The following ALG10B variants were observed in gnomAD, a reference collection of about 807,000 sequenced individuals.
The protein encoded by ALG10B is dol-P-Glc:Glc(2)Man(9)GlcNAc(2)-PP-Dol alpha-1,2-glucosyltransferase B.
ALG10B carries 27 observed loss-of-function variants against 38.7 expected under a neutral mutation model. The ratio of observed to expected loss-of-function variants is 0.70; its 90% CI spans 0.51 to 0.96. The LOEUF (loss-of-function observed/expected upper bound fraction) is 0.96, where lower values mean the gene tolerates loss of function less well. ALG10B is among the 40% of genes least tolerant of loss of function. The pLI, the probability that ALG10B is intolerant of heterozygous loss-of-function variation, is 0.00. For synonymous variants in ALG10B, 177 were observed against 193.3 expected (o/e 0.92, Z 0.70); for missense variants, 522 against 542.7 (o/e 0.96, Z 0.38).
At position 38,326,719 on chromosome 12, in the gene ALG10B, T is replaced by C. The variant is rs1040599556; in HGVS notation, c.*5506T>C. The stretch of plus-strand genomic sequence containing the variant: ...TTATTTTTTATATAGGGCATTTTTA[T>C]GTATTTAATGTTGACAACTGACGTT... On this transcript the variant is annotated 3_prime_UTR_variant, in exon 3 of 3. Coordinates refer to ENST00000308742, the MANE Select transcript of ALG10B (RefSeq NM_001013620.4). The C allele has an allele frequency of 2.0e-5, 3 of 151,928 alleles. No individual in the cohort carries two copies. The highest frequency in any genetic ancestry group is 7.2e-5 in the African/African-American group (3 of 41,430). The allele number at this position is 151,928 out of a possible 1,614,324, so 9.4% of individuals were successfully genotyped here.
Position 38,324,367 on chromosome 12 carries a change from G to GT in ALG10B, c.*3157dup, listed in dbSNP as rs35873509. Reference sequence around the variant, plus strand: ...CATTTTTAAGTGTTGAGTCCCTGCTGTTTAAGAGATGTTTTGGTGAAAATC... The same window carrying GT: ...CATTTTTAAGTGTTGAGTCCCTGCTGTTTTAAGAGATGTTTTGGTGAAAATC... On this transcript the variant is annotated 3_prime_UTR_variant, in exon 3 of 3. Transcript: ENST00000308742. 0.62 allele frequency: 95,589 copies of GT among 154,622 alleles called. 30,423 individuals carry two copies. Among genetic ancestry groups the GT allele is most frequent in the East Asian group, 0.84 (4,431 of 5,280 alleles). The allele number at this position is 154,622 out of a possible 1,614,324, so 9.6% of individuals were successfully genotyped here.
At position 38,316,933 on chromosome 12, in the gene ALG10B, A is replaced by G. The variant is rs1419004543; in HGVS notation, c.40A>G (p.Ser14Gly). Residue 14 changes from serine (S) to glycine (G), a missense_variant, in exon 1 of 3, where the codon AGC (serine) becomes GGC (glycine). Transcript: ENST00000308742. The part of the protein sequence containing the change: ...LEGYCFSAAL[S>G]CTFLVSCLLF... ...GGGTTACTGTTTCTCGGCCGCCTTGAGCTGTACCTTTTTAGTGTCCTGCCT... is the reference window on the plus strand; with the variant it reads ...GGGTTACTGTTTCTCGGCCGCCTTGGGCTGTACCTTTTTAGTGTCCTGCCT... The G allele has an allele frequency of 2.5e-6, 4 of 1,614,056 alleles. No homozygotes were observed. The highest frequency in any genetic ancestry group is 3.4e-6 in the Non-Finnish European group (4 of 1,180,004).
In ALG10B at chr12:38,328,733, A is replaced by G. The variant is rs1945767617; in HGVS notation, c.*7520A>G. On this transcript the variant is annotated 3_prime_UTR_variant, in exon 3 of 3. Transcript: ENST00000308742. ...CTTTGTGTTTTGTAATCATTAGACG[A>G]TTTAACCTAATATATCTTCCCATAT... is the stretch of plus-strand genomic sequence containing the variant. The G allele has an allele frequency of 6.5e-6, 1 of 153,206 alleles. No individual in the cohort carries two copies. The highest frequency in any genetic ancestry group is 2.4e-5 in the African/African-American group (1 of 41,626). The allele number at this position is 153,206 out of a possible 1,614,324, so 9.5% of individuals were successfully genotyped here.
Position 38,324,164 on chromosome 12 carries a change from C to A in ALG10B, c.*2951C>A. The A allele has an allele frequency of 2.1e-6, 1 of 467,516 alleles. No individual in the cohort carries two copies. The highest frequency in any genetic ancestry group is 3.8e-6 in the Non-Finnish European group (1 of 263,944). 29.0% of individuals were successfully genotyped at this position (467,516 alleles called of 1,614,324 possible). ...TCTCCTGCCTCAGCCTCCCGAGTAG[C>A]TGAGATTATAGGCGCCCACCACCAA... On this transcript the variant is annotated 3_prime_UTR_variant, in exon 3 of 3. Coordinates refer to ENST00000308742, the MANE Select transcript of ALG10B (RefSeq NM_001013620.4).
rs747413390 is a variant in ALG10B at position 38,321,222 on chromosome 12, A to G, written c.*9A>G. ...AAAGGTTTATGTGGTAATATCAGTGATATTTTGAACTGTAAAAATGGACTT... is the reference window on the plus strand; with the variant it reads ...AAAGGTTTATGTGGTAATATCAGTGGTATTTTGAACTGTAAAAATGGACTT... On this transcript the variant is annotated 3_prime_UTR_variant, in exon 3 of 3. Transcript: ENST00000308742. The G allele has an allele frequency of 2.5e-6, 4 of 1,609,022 alleles. No individual in the cohort carries two copies. The highest frequency in any genetic ancestry group is 2.2e-5 in the East Asian group (1 of 44,800).
chr12:38,318,252 A>G lies in ALG10B; in HGVS notation c.172-9A>G. 1.2e-6 allele frequency: 2 copies of G among 1,609,062 alleles called. No homozygotes were observed. The highest frequency in any genetic ancestry group is 2.2e-5 in the South Asian group (2 of 91,064). ...TCTTGCTTTTACTTCATTTTCTTTC[A>G]TTTTAAAGTGGGATCCCATGATTAC... On this transcript the variant is annotated splice_polypyrimidine_tract_variant and intron_variant, in intron 1 of 2. Coordinates refer to ENST00000308742, the MANE Select transcript of ALG10B (RefSeq NM_001013620.4).
At position 38,321,165 on chromosome 12, in the gene ALG10B, G is replaced by A; in HGVS notation, c.1374G>A (p.Lys458=). 1 of 1,612,524 alleles carries A rather than the reference G, an allele frequency of 6.2e-7. No homozygotes were observed. ...NFITFYIFLN[K]TFQWPNSQDI... ...TAACTTTTTACATCTTTCTGAACAA[G>A]ACTTTTCAGTGGCCAAATAGTCAGG... Residue 458 remains lysine, a synonymous_variant, in exon 3 of 3, where the codon AAG becomes AAA. Transcript: ENST00000308742.
rs1945730957 is a variant in ALG10B, at chr12:38,324,860, A to C, written c.*3647A>C. 1 of 152,188 alleles carries C rather than the reference A, an allele frequency of 6.6e-6. No homozygotes were observed. Among genetic ancestry groups the C allele is most frequent in the Non-Finnish European group, 1.5e-5 (1 of 68,016 alleles). The allele number at this position is 152,188 out of a possible 1,614,324, so 9.4% of individuals were successfully genotyped here. A position where few individuals can be genotyped will look rare whatever the true frequency, so the allele number is the denominator to read the frequency against. ...AACATTAGACTTAGCTGAATTGATT[A>C]AAATTAGGTGATTATGAAAAAAATA... On this transcript the variant is annotated 3_prime_UTR_variant, in exon 3 of 3. Coordinates refer to ENST00000308742, the MANE Select transcript of ALG10B (RefSeq NM_001013620.4).
chr12:38,328,414 T>C lies in ALG10B; in HGVS notation c.*7201T>C, dbSNP rs1412504472. ...TAACTTATTTTCTATTTTTTATCCCTCTATATTCGTGAAATTACTTCTATT... is the reference window on the plus strand; with the variant it reads ...TAACTTATTTTCTATTTTTTATCCCCCTATATTCGTGAAATTACTTCTATT... On this transcript the variant is annotated 3_prime_UTR_variant, in exon 3 of 3. Coordinates refer to ENST00000308742, the MANE Select transcript of ALG10B (RefSeq NM_001013620.4). The C allele has an allele frequency of 6.6e-6, 1 of 152,168 alleles. No individual in the cohort carries two copies. The highest frequency in any genetic ancestry group is 1.5e-5 in the Non-Finnish European group (1 of 67,996). The allele number at this position is 152,168 out of a possible 1,614,324, so 9.4% of individuals were successfully genotyped here.
At position 38,325,690 on chromosome 12, in the gene ALG10B, G is replaced by C. The variant is rs1326966976; in HGVS notation, c.*4477G>C. 2 of 152,114 alleles carry C rather than the reference G, an allele frequency of 1.3e-5. No homozygotes were observed. The highest frequency in any genetic ancestry group is 4.8e-5 in the African/African-American group (2 of 41,426). 9.4% of individuals were successfully genotyped at this position (152,114 alleles called of 1,614,324 possible). ...TTGTAGAAAAAAACATTTAACATGG[G>C]AGTTAAGATTTTTATATTTGGTTGT... On this transcript the variant is annotated 3_prime_UTR_variant, in exon 3 of 3. Coordinates refer to ENST00000308742, the MANE Select transcript of ALG10B (RefSeq NM_001013620.4).
rs913846902 is a variant in ALG10B, at chr12:38,324,000, T to C, written c.*2787T>C. ...CTACCCTGTAATTAAAGAAGACTGC[T>C]CTTTGGAGGGATCACTGTTCTATAT... is the stretch of plus-strand genomic sequence containing the variant. On this transcript the variant is annotated 3_prime_UTR_variant, in exon 3 of 3. Coordinates refer to ENST00000308742, the MANE Select transcript of ALG10B (RefSeq NM_001013620.4). 2.9e-6 allele frequency: 2 copies of C among 690,758 alleles called. No homozygotes were observed. The highest frequency in any genetic ancestry group is 1.8e-5 in the African/African-American group (1 of 56,214). The allele number at this position is 690,758 out of a possible 1,614,324, so 42.8% of individuals were successfully genotyped here. A position where few individuals can be genotyped will look rare whatever the true frequency, so the allele number is the denominator to read the frequency against.
intron 1 of ALG10B, 172 bp from the exon 2 acceptor site, chr12:38,318,089 C>T: frequency 1.2e-6 from 1 of 818,694 alleles, no homozygotes; most frequent in Non-Finnish European, 2.0e-6. Context: ...GGTCCGGGGG[C>T]AAAAAATAAG....
At position 38,322,056 on chromosome 12, in the gene ALG10B, A is replaced by C. The variant is rs1945709114; in HGVS notation, c.*843A>C. On this transcript the variant is annotated 3_prime_UTR_variant, in exon 3 of 3. Coordinates refer to ENST00000308742, the MANE Select transcript of ALG10B (RefSeq NM_001013620.4). Reference sequence around the variant, plus strand: ...GCCAGAAGTCTAAAATCAAAGTGTCAGCAGAGTTGGTTCCTTCTGGAGGCT... The same window carrying C: ...GCCAGAAGTCTAAAATCAAAGTGTCCGCAGAGTTGGTTCCTTCTGGAGGCT... 6.6e-6 allele frequency: 1 copy of C among 152,216 alleles called. No individual in the cohort carries two copies. The highest frequency in any genetic ancestry group is 2.1e-4 in the South Asian group (1 of 4,832). The allele number at this position is 152,216 out of a possible 1,614,324, so 9.4% of individuals were successfully genotyped here. A position where few individuals can be genotyped will look rare whatever the true frequency, so the allele number is the denominator to read the frequency against.
chr12:38,319,822 T>G (rs1945685617), intron 2 of ALG10B, among the ~76,000 whole-genome samples: 1 of 152,198 alleles, frequency 6.6e-6, no homozygotes, highest in South Asian at 2.1e-4. Context: ...GAGCCAGCAT[T>G]GTGTCCTATT....
intron 1 of ALG10B, chr12:38,317,288 T>G: frequency 2.9e-6 from 2 of 698,108 alleles, no homozygotes; most frequent in Non-Finnish European, 4.6e-6. Context: ...AGGAGTGATC[T>G]GGGAGAATAC....
Position 38,326,584 on chromosome 12 carries a change from C to T in ALG10B, c.*5371C>T, listed in dbSNP as rs958316838. The stretch of plus-strand genomic sequence containing the variant: ...TAAAATAAGAAAAATCAGTAACCTT[C>T]AACGAATAACAGGTTAAAGAATTTA... On this transcript the variant is annotated 3_prime_UTR_variant, in exon 3 of 3. Transcript: ENST00000308742. 12 of 144,250 alleles carry T rather than the reference C, an allele frequency of 8.3e-5. No homozygotes were observed. The highest frequency in any genetic ancestry group is 2.9e-4 in the African/African-American group (11 of 38,136). 8.9% of individuals were successfully genotyped at this position (144,250 alleles called of 1,614,324 possible). A position where few individuals can be genotyped will look rare whatever the true frequency, so the allele number is the denominator to read the frequency against.
chr12:38,327,408 C>T lies in ALG10B; in HGVS notation c.*6195C>T, dbSNP rs1177983026. 6.6e-6 allele frequency: 1 copy of T among 152,046 alleles called. No homozygotes were observed. The highest frequency in any genetic ancestry group is 1.5e-5 in the Non-Finnish European group (1 of 68,012). 9.4% of individuals were successfully genotyped at this position (152,046 alleles called of 1,614,324 possible). On this transcript the variant is annotated 3_prime_UTR_variant, in exon 3 of 3. Coordinates refer to ENST00000308742, the MANE Select transcript of ALG10B (RefSeq NM_001013620.4). ...GATGGTTGCCATCATTCATTGAACA[C>T]CTATAATGTTTTAGGCATTATACTA...
Position 38,316,865 on chromosome 12 carries a change from G to A in ALG10B, c.-29G>A, listed in dbSNP as rs554349592. 76 of 1,614,018 alleles carry A rather than the reference G, an allele frequency of 4.7e-5. 2 individuals carry two copies. The South Asian group carries it at 7.8e-4, about 17-fold the overall frequency. On this transcript the variant is annotated 5_prime_UTR_variant, in exon 1 of 3. Coordinates refer to ENST00000308742, the MANE Select transcript of ALG10B (RefSeq NM_001013620.4). ...CGGGCTCAGAATTTTCCAGGAGTGG[G>A]TTCTTGGGCAGTGGCTGTGGGAGCA...
Position 38,320,381 on chromosome 12 carries a change from C to G in ALG10B, c.590C>G (p.Ala197Gly), listed in dbSNP as rs1235538876. 6.2e-7 allele frequency: 1 copy of G among 1,613,928 alleles called. No individual in the cohort carries two copies. Among genetic ancestry groups the G allele is most frequent in the African/African-American group, 1.3e-5 (1 of 74,892 alleles). The change falls in exon 3 of 3, where the codon GCA (alanine) becomes GGA (glycine). Residue 197 changes from alanine to glycine, a missense_variant. By Grantham distance (60) the Ala-to-Gly change is moderately conservative (BLOSUM62 0). Coordinates refer to ENST00000308742, the MANE Select transcript of ALG10B (RefSeq NM_001013620.4). Reference sequence around the variant, plus strand: ...AATATCATCTGGGCTGTCTTCTGTGCAGGGAATGTCATTGCACAAAAGTTA... The same window carrying G: ...AATATCATCTGGGCTGTCTTCTGTGGAGGGAATGTCATTGCACAAAAGTTA... Reference protein sequence around the residue: ...QTNIIWAVFCAGNVIAQKLTE... With the variant: ...QTNIIWAVFCGGNVIAQKLTE...
Sources: allele counts gnomAD v4.1 joint callset (sites outside exome capture counted in the v4.1 genomes callset), GRCh38; gene constraint gnomAD v4.1.1; transcripts MANE v1.5; gene names NCBI Gene and HGNC (gene_info 2026-07-23, HGNC 2026-07-21).